UBE2O: variants seen among roughly 807,000 people sequenced by gnomAD.
The protein encoded by UBE2O is ubiquitin conjugating enzyme E2 O, also known as (E3-independent) E2 ubiquitin-conjugating enzyme.
UBE2O carries 15 observed loss-of-function variants against 125.8 expected under a neutral mutation model. The observed-to-expected ratio is 0.12, with a 90% CI of 0.08 to 0.18. UBE2O has a LOEUF of 0.18. Among genes scored for constraint, UBE2O ranks in the 10% least tolerant of loss-of-function variants. The pLI is 1.00. For synonymous variants in UBE2O, 708 were observed against 703.2 expected (o/e 1.01, Z -0.11); for missense variants, 1,280 against 1,723.6 (o/e 0.74, Z 4.56).
intron 13 of UBE2O, 59 bp downstream of exon 13, chr17:76,397,739 GC>G (rs2072239239): frequency 1.9e-6 from 3 of 1,539,032 alleles, no homozygotes; most frequent in Non-Finnish European, 2.7e-6. Flanking sequence ...CACGCCTGTG[GC>G]CCCCGGCCCA....
At chr17:76,440,526 T>C (rs1360421305) in intron 1 of UBE2O, among the ~76,000 whole-genome samples, 2 of 152,176 alleles carry the variant, frequency 1.3e-5, no homozygotes, top group African/African-American at 2.4e-5. Flanking sequence ...TGGGGTTTCA[T>C]CATGTTGCCC....
At chr17:76,412,029 A>G (rs1218289548) in intron 1 of UBE2O, among the ~76,000 whole-genome samples, 1 of 152,152 alleles carries the variant, frequency 6.6e-6, no homozygotes, top group African/African-American at 2.4e-5. Flanking sequence ...CTCAAACAGA[A>G]AAGGTCCAGC....
chr17:76,401,913 C>T (rs1232127306), intron 5 of UBE2O, 151 bp downstream of exon 5: 4 of 534,822 alleles, frequency 7.5e-6, no homozygotes, highest in South Asian at 3.1e-5. Context: ...TACTTTCTGC[C>T]TATACCCAAA....
In UBE2O at chr17:76,405,640, G is replaced by C; in HGVS notation, c.418-68C>G. ...CACCACAGAATACAGTTTTCTTCCA[G>C]CTTCTGAAGGAAAGCGTCACATCCA... On this transcript the variant is annotated intron_variant, in intron 1 of 17. Transcript: ENST00000319380. The surrounding 1 kb of genome is among the most constrained non-coding windows in gnomAD (Gnocchi z 6.1). 7.2e-7 allele frequency: 1 copy of C among 1,388,264 alleles called. No homozygotes were observed. Among genetic ancestry groups the C allele is most frequent in the South Asian group, 1.2e-5 (1 of 80,760 alleles). 86.0% of individuals were successfully genotyped at this position (1,388,264 alleles called of 1,614,324 possible). A position where few individuals can be genotyped will look rare whatever the true frequency, so the allele number is the denominator to read the frequency against.
Position 76,391,152 on chromosome 17 carries a change from G to A in UBE2O, c.3670C>T (p.Pro1224Ser), listed in dbSNP as rs1233738132. The change falls in exon 18 of 18, where the codon CCA (proline) becomes TCA (serine). Residue 1224 changes from proline (P) to serine (S), a missense_variant. This residue lies in a region of UBE2O where 233 missense variants were observed against 279.0 expected (regional missense o/e 0.84). Coordinates refer to ENST00000319380, the MANE Select transcript of UBE2O (RefSeq NM_022066.4). This position sits in a 1 kb window ranked among gnomAD's most constrained non-coding sequence, Gnocchi z 8.4. Reference protein sequence around the residue: ...DHTDQTSETAPDASVPPSVKP... With the variant: ...DHTDQTSETASDASVPPSVKP... ...ACACTGGGTGGCACCGATGCGTCTG[G>A]TGCGGTCTCCGAAGTCTGGTCTGTG... 1.2e-6 allele frequency: 2 copies of A among 1,613,850 alleles called. No homozygotes were observed. The highest frequency in any genetic ancestry group is 1.7e-6 in the Non-Finnish European group (2 of 1,179,866).
chr17:76,402,051 T>C lies in UBE2O; in HGVS notation c.750+13A>G, dbSNP rs767549169. The C allele has an allele frequency of 6.8e-6, 11 of 1,613,232 alleles. No homozygotes were observed. Among genetic ancestry groups the C allele is most frequent in the African/African-American group, 1.3e-5 (1 of 74,894 alleles). On this transcript the variant is annotated intron_variant, in intron 5 of 17. Transcript: ENST00000319380. This position sits in a 1 kb window ranked among gnomAD's most constrained non-coding sequence, Gnocchi z 5.4. Reference sequence around the variant, plus strand: ...AATCAGAGAAGGGTGCTGGCCTGGATGGAGCACACTACCGAGTCGCTGACG... The same window carrying C: ...AATCAGAGAAGGGTGCTGGCCTGGACGGAGCACACTACCGAGTCGCTGACG...
At chr17:76,397,950 C>T in intron 12 of UBE2O, 62 bp from the exon 13 acceptor site, 1 of 1,562,316 alleles carries the variant, frequency 6.4e-7, no homozygotes, top group Non-Finnish European at 8.8e-7. Flanking sequence ...CCAGCCCCTC[C>T]TGTGCTCTGC....
chr17:76,391,894 C>T lies in UBE2O; in HGVS notation c.3150+16G>A. On this transcript the variant is annotated intron_variant, in intron 16 of 17. Coordinates refer to ENST00000319380, the MANE Select transcript of UBE2O (RefSeq NM_022066.4). The surrounding 1 kb of genome is among the most constrained non-coding windows in gnomAD (Gnocchi z 8.4). The stretch of plus-strand genomic sequence containing the variant: ...CTCTTCCTCCTTCTTGGCTGGGGGC[C>T]TGGCCCTATACTCACCTTTCCAATC... The T allele has an allele frequency of 1.2e-6, 2 of 1,613,668 alleles. No individual in the cohort carries two copies. Among genetic ancestry groups the T allele is most frequent in the Non-Finnish European group, 1.7e-6 (2 of 1,179,826 alleles).
In UBE2O at chr17:76,399,003, G is replaced by A; in HGVS notation, c.1629-12C>T. 1 of 1,613,054 alleles carries A rather than the reference G, an allele frequency of 6.2e-7. No homozygotes were observed. The highest frequency in any genetic ancestry group is 8.5e-7 in the Non-Finnish European group (1 of 1,179,662). On this transcript the variant is annotated splice_polypyrimidine_tract_variant and intron_variant, in intron 9 of 17. Coordinates refer to ENST00000319380, the MANE Select transcript of UBE2O (RefSeq NM_022066.4). The surrounding 1 kb of genome is among the most constrained non-coding windows in gnomAD (Gnocchi z 6.9). ...CCTCCACTGCCACCCTGCGGGTGCA[G>A]GCCAGTCAGCAGGCCATGCAAACCC...
chr17:76,400,315 G>C lies in UBE2O; in HGVS notation c.1005-18C>G, dbSNP rs373789259. 4 of 1,612,094 alleles carry C rather than the reference G, an allele frequency of 2.5e-6. No homozygotes were observed. Among genetic ancestry groups the C allele is most frequent in the Middle Eastern group, 1.7e-4 (1 of 6,054 alleles). On this transcript the variant is annotated intron_variant, in intron 7 of 17. Transcript: ENST00000319380. The surrounding 1 kb of genome is among the most constrained non-coding windows in gnomAD (Gnocchi z 4.3). ...GCTTCACCCTGGTTGGGGAAGAAGT[G>C]GGGGTGAGCTGGGCTGGACTCCTGG... is the stretch of plus-strand genomic sequence containing the variant.
At chr17:76,394,942 C>T (rs2072179245) in intron 15 of UBE2O, among the ~76,000 whole-genome samples, 1 of 151,330 alleles carries the variant, frequency 6.6e-6, no homozygotes, top group Admixed American at 6.6e-5. Context: ...ATGGTGCGAT[C>T]TTGGCTCACT....
chr17:76,421,521 A>C (rs1377778205), intron 1 of UBE2O, among the ~76,000 whole-genome samples: 1 of 152,076 alleles, frequency 6.6e-6, no homozygotes, highest in Non-Finnish European at 1.5e-5. Context: ...ATGTGCCACC[A>C]CGCCCAACTA....
In UBE2O at chr17:76,391,379, G is replaced by C. The variant is rs758698833; in HGVS notation, c.3443C>G (p.Thr1148Ser). The change falls in exon 18 of 18, where the codon ACC becomes AGC. Residue 1148 changes from threonine (T) to serine (S), a missense_variant. By Grantham distance (58) the Thr-to-Ser change is moderately conservative. Coordinates refer to ENST00000319380, the MANE Select transcript of UBE2O (RefSeq NM_022066.4). The surrounding 1 kb of genome is among the most constrained non-coding windows in gnomAD (Gnocchi z 8.4). ...LVNRIESWLE[T>S]HALLEKAQAL... ...CTGGGCCTTCTCCAGCAGGGCATGGGTTTCCAGCCAGGACTCGATACGGTT... is the reference window on the plus strand; with the variant it reads ...CTGGGCCTTCTCCAGCAGGGCATGGCTTTCCAGCCAGGACTCGATACGGTT... 1 of 1,613,330 alleles carries C rather than the reference G, an allele frequency of 6.2e-7. No homozygotes were observed.
rs559521771 is a variant in UBE2O, at chr17:76,435,316, A to G, written c.417+17409T>C. Among the ~76,000 whole-genome samples, 5 of 152,182 alleles carry G rather than the reference A, an allele frequency of 3.3e-5. No individual in the cohort carries two copies. The South Asian group carries it at 1.0e-3, about 32-fold the overall frequency. ...ATCCCTGGAGAGTGAAAATGGTAGG[A>G]GGGAGACAAACATTTCACTACATAT... On this transcript the variant is annotated intron_variant, in intron 1 of 17. Coordinates refer to ENST00000319380, the MANE Select transcript of UBE2O (RefSeq NM_022066.4).
chr17:76,422,539 G>A (rs1302993614), intron 1 of UBE2O, among the ~76,000 whole-genome samples: 3 of 152,232 alleles, frequency 2.0e-5, no homozygotes, highest in South Asian at 2.1e-4. Flanking sequence ...TCTGGAACAC[G>A]AGACAGTCCT....
intron 1 of UBE2O, among the ~76,000 whole-genome samples, chr17:76,445,060 A>G (rs1227282454): frequency 1.3e-5 from 2 of 152,186 alleles, no homozygotes; most frequent in African/African-American, 2.4e-5. Flanking sequence ...CCAGAATTAA[A>G]AGGAGGAGGA....
chr17:76,395,591 G>C lies in UBE2O; in HGVS notation c.2946+134C>G. 1.8e-6 allele frequency: 2 copies of C among 1,104,314 alleles called. No individual in the cohort carries two copies. Among genetic ancestry groups the C allele is most frequent in the Non-Finnish European group, 2.6e-6 (2 of 775,382 alleles). The allele number at this position is 1,104,314 out of a possible 1,614,324, so 68.4% of individuals were successfully genotyped here. On this transcript the variant is annotated intron_variant, in intron 15 of 17. Transcript: ENST00000319380. The surrounding 1 kb of genome is among the most constrained non-coding windows in gnomAD (Gnocchi z 5.0). ...CCTGACTGAGCCTGTGACCGCCCCTGTAAAAGGTGGGTGGGTGAGTGTCCT... is the reference window on the plus strand; with the variant it reads ...CCTGACTGAGCCTGTGACCGCCCCTCTAAAAGGTGGGTGGGTGAGTGTCCT...
At chr17:76,442,035 T>C (rs1353847023) in intron 1 of UBE2O, among the ~76,000 whole-genome samples, 1 of 152,168 alleles carries the variant, frequency 6.6e-6, no homozygotes, top group African/African-American at 2.4e-5. Context: ...CTGATAACCA[T>C]TCAGGAAACC....
Position 76,399,932 on chromosome 17 carries a change from G to A in UBE2O, c.1156-11C>T, listed in dbSNP as rs762087931. 20 of 1,588,390 alleles carry A rather than the reference G, an allele frequency of 1.3e-5. No individual in the cohort carries two copies. The highest frequency in any genetic ancestry group is 9.4e-5 in the South Asian group (8 of 84,852). On this transcript the variant is annotated splice_polypyrimidine_tract_variant and intron_variant, in intron 8 of 17. Coordinates refer to ENST00000319380, the MANE Select transcript of UBE2O (RefSeq NM_022066.4). This position sits in a 1 kb window ranked among gnomAD's most constrained non-coding sequence, Gnocchi z 6.9. ...CAACAGGCGCTTCACCTGCAAGGGC[G>A]GAGCAGAGAGGACAGGGCTGTGAGG... is the stretch of plus-strand genomic sequence containing the variant.
Sources: allele counts gnomAD v4.1 joint callset (sites outside exome capture counted in the v4.1 genomes callset), GRCh38; gene constraint gnomAD v4.1.1; regional missense constraint gnomAD v4.1.1; non-coding constraint Gnocchi (gnomAD v3.1); transcripts MANE v1.5; gene names NCBI Gene and HGNC (gene_info 2026-07-23, HGNC 2026-07-21).